ZNF536: variants seen among roughly 807,000 people sequenced by gnomAD.
ZNF536 encodes the protein zinc finger protein 536.
ZNF536 carries 13 observed loss-of-function variants against 84.5 expected under a neutral mutation model. The ratio of observed to expected loss-of-function variants is 0.15; its 90% CI spans 0.10 to 0.24. ZNF536 has a LOEUF of 0.24. ZNF536 is among the 10% of genes least tolerant of loss of function. The pLI, the probability that ZNF536 is intolerant of heterozygous loss-of-function variation, is 1.00. For synonymous variants in ZNF536, 811 were observed against 742.5 expected (o/e 1.09, Z -1.50); for missense variants, 1,536 against 1,747.5 (o/e 0.88, Z 2.16).
At chr19:30,390,379 C>T (rs533553658) in intron 1 of ZNF536, among the ~76,000 whole-genome samples, 1 of 152,248 alleles carries the variant, frequency 6.6e-6, no homozygotes, top group South Asian at 2.1e-4. Flanking sequence ...GTGAGAGTAG[C>T]ATTAAATAAA....
At chr19:30,691,197 A>G (rs1600280050) in intron 1 of ZNF536, among the ~76,000 whole-genome samples, 3 of 152,298 alleles carry the variant, frequency 2.0e-5, no homozygotes, top group East Asian at 1.9e-4. Context: ...AGAGTTGAGC[A>G]GGATCTTTCT....
intron 4 of ZNF536, chr19:30,555,887 G>C (rs573236457): frequency 6.6e-6 from 1 of 152,240 alleles, no homozygotes; most frequent in Non-Finnish European, 1.5e-5. Flanking sequence ...CCGAGTGTGT[G>C]GGAGTGCAGG....
chr19:30,228,131 A>C (rs1307405880), upstream of ZNF536, among the ~76,000 whole-genome samples: 1 of 151,940 alleles, frequency 6.6e-6, no homozygotes, highest in Admixed American at 6.5e-5. The surrounding 1 kb of genome is among the most constrained non-coding windows in gnomAD (Gnocchi z 4.5). Context: ...TGATACTAGC[A>C]ACTGGATTTT....
Position 30,444,507 on chromosome 19 carries a change from C to T in ZNF536, c.945C>T (p.Leu315=), listed in dbSNP as rs2148186639. 2 of 1,612,270 alleles carry T rather than the reference C, an allele frequency of 1.2e-6. No individual in the cohort carries two copies. Among genetic ancestry groups the T allele is most frequent in the Admixed American group, 3.3e-5 (2 of 60,016 alleles). The change falls in exon 2 of 5, where the codon CTC becomes CTT. Residue 315 remains leucine, a synonymous_variant. Coordinates refer to ENST00000355537, the MANE Select transcript of ZNF536 (RefSeq NM_014717.3). ...TCGCGGCTTCGCAGGAGGAGGAGCT[C>T]ATCAGCCACGTGGAGAAGGCACACA... ...CDFAASQEEE[L]ISHVEKAHIT...
Position 30,444,341 on chromosome 19 carries a change from CTGCCAG to C in ZNF536, c.780_785del (p.Ala261_Ser262del). ...GCCCACCCGGTGCCCTCGCCCAAGCCTGCCAGCGTGCAGGAGGACGCGGTGGCCCCG... is the reference window on the plus strand; with the variant it reads ...GCCCACCCGGTGCCCTCGCCCAAGCCCGTGCAGGAGGACGCGGTGGCCCCG... On this transcript the variant is annotated inframe_deletion, in exon 2 of 5. Coordinates refer to ENST00000355537, the MANE Select transcript of ZNF536 (RefSeq NM_014717.3). 1 of 1,596,724 alleles carries C rather than the reference CTGCCAG, an allele frequency of 6.3e-7. No individual in the cohort carries two copies.
At chr19:30,643,440 A>G (rs1010305673) in intron 1 of ZNF536, among the ~76,000 whole-genome samples, 3 of 152,218 alleles carry the variant, frequency 2.0e-5, no homozygotes, top group African/African-American at 7.2e-5. Context: ...TTATTTAACA[A>G]TCACCTTGTC....
chr19:30,279,800 C>T (rs1262072464), intron 1 of ZNF536, among the ~76,000 whole-genome samples: 3 of 152,200 alleles, frequency 2.0e-5, no homozygotes, highest in Non-Finnish European at 4.4e-5. Context: ...CAGCTGTTTC[C>T]CCTCTGGAGC....
At chr19:30,619,035 G>A (rs2048393991) in intron 1 of ZNF536, among the ~76,000 whole-genome samples, 1 of 152,138 alleles carries the variant, frequency 6.6e-6, no homozygotes, top group Non-Finnish European at 1.5e-5. Context: ...CTATGTAGTG[G>A]TGAAGTTTGA....
At chr19:30,284,636 C>T (rs1036153508) in intron 2 of ZNF536, among the ~76,000 whole-genome samples, 2 of 152,306 alleles carry the variant, frequency 1.3e-5, no homozygotes, top group Admixed American at 6.5e-5. Context: ...GGTGTATTTC[C>T]GGCATGGGAG....
rs2050228292 is a variant in ZNF536 at position 30,664,210 on chromosome 19, CT to C, written c.170-46546del. Reference sequence around the variant, plus strand: ...GAGGAATTCTTGCTGAGTTTTCTCTCTCTCTCTCTCTCTCTCTCTCTCTCTC... The same window carrying C: ...GAGGAATTCTTGCTGAGTTTTCTCTCCTCTCTCTCTCTCTCTCTCTCTCTC... On this transcript the variant is annotated intron_variant, in intron 1 of 1. Transcript: ENST00000592773. Among the ~76,000 whole-genome samples the C allele has an allele frequency of 9.8e-4, 8 of 8,154 alleles. No homozygotes were observed. The East Asian group carries it at 0.011, about 12-fold the overall frequency. The allele number at this position is 8,154 out of a possible 152,430, so 5.3% of individuals were successfully genotyped here.
At chr19:30,617,366 TA>T (rs2048339151) in intron 1 of ZNF536, among the ~76,000 whole-genome samples, 2 of 115,914 alleles carry the variant, frequency 1.7e-5, no homozygotes, top group African/African-American at 3.4e-5. Flanking sequence ...TTTTTTTTTT[TA>T]TGAGATGGAG....
intron 1 of ZNF536, among the ~76,000 whole-genome samples, chr19:30,688,134 C>G (rs1156558953): frequency 6.6e-6 from 1 of 152,102 alleles, no homozygotes; most frequent in Admixed American, 6.5e-5. Context: ...TGAGCCCCAC[C>G]GGTTCAGTCC....
chr19:30,243,461 C>T (rs1050045879), intron 1 of ZNF536, among the ~76,000 whole-genome samples: 19 of 152,114 alleles, frequency 1.2e-4, no homozygotes, highest in African/African-American at 4.3e-4. Flanking sequence ...TAAGAATTGT[C>T]TGGGAAACAT....
Position 30,443,654 on chromosome 19 carries a change from C to T in ZNF536, c.92C>T (p.Ala31Val), listed in dbSNP as rs1268445538. ...GGCCCCGTCCTCAACGGCCAGTATG[C>T]CATGAGTCAGAAGCTGCACCAGATC... Reference protein sequence around the residue: ...LSGPVLNGQYAMSQKLHQITS... With the variant: ...LSGPVLNGQYVMSQKLHQITS... The change falls in exon 2 of 5, where the codon GCC becomes GTC. Residue 31 changes from alanine (A) to valine (V), a missense_variant. Physicochemically the swap from Ala to Val is moderately conservative, Grantham distance 64. Coordinates refer to ENST00000355537, the MANE Select transcript of ZNF536 (RefSeq NM_014717.3). 1.9e-6 allele frequency: 3 copies of T among 1,613,450 alleles called. No individual in the cohort carries two copies. The East Asian group carries it at 6.7e-5, about 36-fold the overall frequency.
intron 1 of ZNF536, among the ~76,000 whole-genome samples, chr19:30,266,287 T>C (rs907713045): frequency 6.6e-6 from 1 of 152,128 alleles, no homozygotes; most frequent in African/African-American, 2.4e-5. Context: ...TGGGCTCCAG[T>C]GATTCTCCTG....
intron 2 of ZNF536, among the ~76,000 whole-genome samples, chr19:30,489,754 G>A (rs2145069442): frequency 6.6e-6 from 1 of 152,334 alleles, no homozygotes; most frequent in South Asian, 2.1e-4. Flanking sequence ...GATACTGACA[G>A]TCGTCGTCAG....
At chr19:30,708,020 A>G (rs1049253490) in intron 1 of ZNF536, among the ~76,000 whole-genome samples, 14 of 151,998 alleles carry the variant, frequency 9.2e-5, no homozygotes, top group African/African-American at 3.4e-4. Context: ...AAAAAAAAAA[A>G]AAAAGAAAAT....
chr19:30,659,282 C>T (rs1453114817), intron 1 of ZNF536, among the ~76,000 whole-genome samples: 1 of 150,938 alleles, frequency 6.6e-6, no homozygotes, highest in East Asian at 2.0e-4. Flanking sequence ...ATGCTTCTTA[C>T]ATGGCCAGGG....
In ZNF536 at chr19:30,445,998, A is replaced by G. The variant is rs1442490857; in HGVS notation, c.2170+266A>G. ...TGTGGTGGCTCACGCCTGTAATCCC[A>G]GCACTTTGGGCGCCCGAGGCCGGTG... On this transcript the variant is annotated intron_variant, in intron 2 of 4. Transcript: ENST00000355537. The surrounding 1 kb of genome is among the most constrained non-coding windows in gnomAD (Gnocchi z 4.5). Among the ~76,000 whole-genome samples, 1 of 152,140 alleles carries G rather than the reference A, an allele frequency of 6.6e-6. No individual in the cohort carries two copies. Among genetic ancestry groups the G allele is most frequent in the African/African-American group, 2.4e-5 (1 of 41,436 alleles).
Sources: allele counts gnomAD v4.1 joint callset (sites outside exome capture counted in the v4.1 genomes callset), GRCh38; gene constraint gnomAD v4.1.1; non-coding constraint Gnocchi (gnomAD v3.1); transcripts MANE v1.5; gene names NCBI Gene and HGNC (gene_info 2026-07-23, HGNC 2026-07-21).